The following SKOR2 variants were observed in gnomAD, a reference collection of about 807,000 sequenced individuals.
SKOR2 encodes the protein SKI family transcriptional corepressor 2, also known as LBX1 corepressor 1-like protein.
In SKOR2, 47 loss-of-function variants were observed where a neutral mutation model predicts 69.1. That is an observed-to-expected ratio of 0.68 (90% CI 0.54 to 0.87). The LOEUF (loss-of-function observed/expected upper bound fraction) is 0.87, where lower values mean the gene tolerates loss of function less well. Ranked by LOEUF, SKOR2 falls within the 40% of genes least tolerant of loss-of-function variation. The pLI, the probability that SKOR2 is intolerant of heterozygous loss-of-function variation, is 0.00. For synonymous variants in SKOR2, 717 were observed against 672.6 expected (o/e 1.07, Z -1.02); for missense variants, 1,404 against 1,472.2 (o/e 0.95, Z 0.76).
At chr18:47,216,115 T>G (rs1349635270) in intron 7 of SKOR2, among the ~76,000 whole-genome samples, 1 of 152,232 alleles carries the variant, frequency 6.6e-6, no homozygotes, top group Non-Finnish European at 1.5e-5. Flanking sequence ...CTGTTAAGTT[T>G]TGCTTTTAAA....
In SKOR2 at chr18:47,221,675, A is replaced by ATT. The variant is rs143613414; in HGVS notation, c.2918-1667_2918-1666dup. 1.6e-4 allele frequency among the ~76,000 whole-genome samples: 24 copies of ATT among 151,130 alleles called. No individual in the cohort carries two copies. In the South Asian group the frequency reaches 4.8e-3, roughly 30 times the overall value. ...CCCCTCCTGCCAGAATTATTTACCC[A>ATT]TTTTTTTTTGTACTTCTCCAGCACC... is the stretch of plus-strand genomic sequence containing the variant. On this transcript the variant is annotated intron_variant, in intron 6 of 8. Transcript: ENST00000425639.
chr18:47,247,367 T>C lies in SKOR2; in HGVS notation c.1817A>G (p.His606Arg). 1 of 1,441,664 alleles carries C rather than the reference T, an allele frequency of 6.9e-7. No individual in the cohort carries two copies. The highest frequency in any genetic ancestry group is 1.5e-5 in the African/African-American group (1 of 67,476). 89.3% of individuals were successfully genotyped at this position (1,441,664 alleles called of 1,614,324 possible). A position where few individuals can be genotyped will look rare whatever the true frequency, so the allele number is the denominator to read the frequency against. ...GSRVPAPHHP[H>R]LLEGRKAGGG... The stretch of plus-strand genomic sequence containing the variant: ...GCCCGCTTTGCGCCCCTCCAGAAGG[T>C]GCGGATGGTGGGGCGCCGGAACCCG... Residue 606 changes from histidine to arginine, a missense_variant, in exon 2 of 9, where the codon CAC becomes CGC. By Grantham distance (29) the His-to-Arg change is conservative (BLOSUM62 0). Transcript: ENST00000425639. The surrounding 1 kb of genome is among the most constrained non-coding windows in gnomAD (Gnocchi z 6.6).
intron 7 of SKOR2, among the ~76,000 whole-genome samples, chr18:47,217,864 T>C (rs2064148868): frequency 6.6e-6 from 1 of 151,674 alleles, no homozygotes; most frequent in African/African-American, 2.4e-5. Context: ...GGGTGGGAAA[T>C]TCAAGCTTTT....
chr18:47,207,336 C>T (rs1376798853), intron 8 of SKOR2, among the ~76,000 whole-genome samples: 2 of 152,122 alleles, frequency 1.3e-5, no homozygotes, highest in East Asian at 3.8e-4. Context: ...ATATTTATAA[C>T]TGATAATACA....
At chr18:47,212,752 C>A (rs547995923) in intron 7 of SKOR2, among the ~76,000 whole-genome samples, 1 of 152,216 alleles carries the variant, frequency 6.6e-6, no homozygotes, top group South Asian at 2.1e-4. Flanking sequence ...GTGGGAGGAT[C>A]ACTTGAGCCC....
At chr18:47,224,620 CT>C (rs528374569) in intron 6 of SKOR2, among the ~76,000 whole-genome samples, 44 of 148,434 alleles carry the variant, frequency 3.0e-4, no homozygotes, top group Admixed American at 4.7e-4. Context: ...AACCATTGAA[CT>C]TTTTTTTTTT....
Position 47,235,604 on chromosome 18 carries a change from C to A in SKOR2, c.2753-4604G>T, listed in dbSNP as rs1403476828. 2.0e-5 allele frequency among the ~76,000 whole-genome samples: 3 copies of A among 152,186 alleles called. No individual in the cohort carries two copies. The South Asian group carries it at 6.2e-4, about 32-fold the overall frequency. ...TCCTGGTCTCTCCAAGGACCTCCAA[C>A]AGCAGTGGTTCCACATTCTAGGTGA... On this transcript the variant is annotated intron_variant, in intron 4 of 8. Coordinates refer to ENST00000425639, the MANE Select transcript of SKOR2 (RefSeq NM_001278063.4).
rs1422368277 is a variant in SKOR2, at chr18:47,248,351, C to T, written c.833G>A (p.Gly278Asp). The T allele has an allele frequency of 1.6e-6, 2 of 1,260,840 alleles. No individual in the cohort carries two copies. The highest frequency in any genetic ancestry group is 2.0e-6 in the Non-Finnish European group (2 of 1,011,348). 78.1% of individuals were successfully genotyped at this position (1,260,840 alleles called of 1,614,324 possible). A position where few individuals can be genotyped will look rare whatever the true frequency, so the allele number is the denominator to read the frequency against. ...AAVAGGGGLL[G>D]PHLLGAPPPP... ...CGGGGGCGCACCCAGCAGGTGGGGG[C>T]CCAGCAGACCCCCGCCTCCGGCCAC... The change falls in exon 2 of 9, where the codon GGC becomes GAC. Residue 278 changes from glycine to aspartate, a missense_variant. Physicochemically the swap from Gly to Asp is moderately conservative, Grantham distance 94. This residue lies in a region of SKOR2 where 1,266 missense variants were observed against 1,309.9 expected (regional missense o/e 0.97). Coordinates refer to ENST00000425639, the MANE Select transcript of SKOR2 (RefSeq NM_001278063.4). This position sits in a 1 kb window ranked among gnomAD's most constrained non-coding sequence, Gnocchi z 6.4.
chr18:47,237,417 TTAACTA>T (rs1336954289), intron 4 of SKOR2, among the ~76,000 whole-genome samples: 1 of 152,192 alleles, frequency 6.6e-6, no homozygotes, highest in Non-Finnish European at 1.5e-5. Context: ...TAGAGCTCAT[TTAACTA>T]TAAGAGCCAA....
intron 1 of SKOR2, among the ~76,000 whole-genome samples, chr18:47,249,834 C>T (rs959584264): frequency 4.6e-5 from 7 of 152,278 alleles, no homozygotes; most frequent in Non-Finnish European, 7.4e-5. Flanking sequence ...TATTTTGTTA[C>T]TGTAATTAGA....
intron 6 of SKOR2, among the ~76,000 whole-genome samples, chr18:47,227,231 T>A (rs1180077356): frequency 6.6e-6 from 1 of 151,196 alleles, no homozygotes; most frequent in Non-Finnish European, 1.5e-5. Context: ...CTCCTCCACC[T>A]GCCCCTCCTC....
intron 2 of SKOR2, among the ~76,000 whole-genome samples, chr18:47,246,082 G>T (rs1358096584): frequency 6.6e-6 from 1 of 152,154 alleles, no homozygotes; most frequent in Non-Finnish European, 1.5e-5. Context: ...GGCTAAAACT[G>T]ATTAAAGCAG....
intron 4 of SKOR2, among the ~76,000 whole-genome samples, chr18:47,241,993 C>T (rs1295831563): frequency 6.6e-6 from 1 of 152,162 alleles, no homozygotes; most frequent in Non-Finnish European, 1.5e-5. Context: ...GCTCCAGGCA[C>T]TGTGGAATTT....
Position 47,249,014 on chromosome 18 carries a change from T to C in SKOR2, c.170A>G (p.Asp57Gly). Residue 57 changes from aspartate (D) to glycine (G), a missense_variant, in exon 2 of 9, where the codon GAC (aspartate) becomes GGC (glycine). Around this residue, in one of 3 missense-constraint regions of SKOR2, gnomAD observed 104 missense variants for 95.7 expected, o/e 1.09. Transcript: ENST00000425639. ...YGIPIVSLVIDGQERLCLAQI... is the reference protein window; with the variant it reads ...YGIPIVSLVIGGQERLCLAQI... The stretch of plus-strand genomic sequence containing the variant: ...CGCCAGGCACAGGCGCTCTTGCCCG[T>C]CGATCACCAACGACACGATGGGAAT... 4 of 1,546,414 alleles carry C rather than the reference T, an allele frequency of 2.6e-6. No homozygotes were observed. The highest frequency in any genetic ancestry group is 3.5e-6 in the Non-Finnish European group (4 of 1,152,166).
At chr18:47,208,823 A>C (rs1431192058) in intron 8 of SKOR2, among the ~76,000 whole-genome samples, 1 of 152,194 alleles carries the variant, frequency 6.6e-6, no homozygotes, top group Non-Finnish European at 1.5e-5. Flanking sequence ...ACAAATACGA[A>C]GAGCGGTACA....
At chr18:47,244,871 T>C in intron 4 of SKOR2, 37 bp downstream of exon 4, 1 of 1,512,554 alleles carries the variant, frequency 6.6e-7, no homozygotes, top group South Asian at 1.2e-5. Context: ...CTCCCTGTCA[T>C]CTGACTATTC....
chr18:47,246,886 G>T lies in SKOR2; in HGVS notation c.2298C>A (p.Asp766Glu), dbSNP rs1232244847. 3.4e-6 allele frequency: 5 copies of T among 1,489,904 alleles called. No individual in the cohort carries two copies. Among genetic ancestry groups the T allele is most frequent in the Non-Finnish European group, 4.4e-6 (5 of 1,126,252 alleles). The allele number at this position is 1,489,904 out of a possible 1,614,324, so 92.3% of individuals were successfully genotyped here. Residue 766 changes from aspartate to glutamate, a missense_variant, in exon 2 of 9, where the codon GAC becomes GAA. Around this residue, in one of 3 missense-constraint regions of SKOR2, gnomAD observed 1,266 missense variants for 1,309.9 expected, o/e 0.97. Transcript: ENST00000425639. Reference sequence around the variant, plus strand: ...CCTCCGTCTCCTCGTCCTCTTCCTCGTCGTCGTCAGGGTCTCGACCTTCCT... The same window carrying T: ...CCTCCGTCTCCTCGTCCTCTTCCTCTTCGTCGTCAGGGTCTCGACCTTCCT... ...EEEEGRDPDD[D>E]EEEDEETEVL...
At chr18:47,235,220 G>T (rs2064217115) in intron 4 of SKOR2, among the ~76,000 whole-genome samples, 1 of 152,134 alleles carries the variant, frequency 6.6e-6, no homozygotes, top group Non-Finnish European at 1.5e-5. Context: ...AATTAGCTGG[G>T]AGTGGTGGTG....
At chr18:47,244,203 G>C (rs1306112695) in intron 4 of SKOR2, among the ~76,000 whole-genome samples, 1 of 151,780 alleles carries the variant, frequency 6.6e-6, no homozygotes, top group Admixed American at 6.6e-5. Context: ...TCACTTCCTA[G>C]CTTGCTCTCT....
Sources: allele counts gnomAD v4.1 joint callset (sites outside exome capture counted in the v4.1 genomes callset), GRCh38; gene constraint gnomAD v4.1.1; regional missense constraint gnomAD v4.1.1; non-coding constraint Gnocchi (gnomAD v3.1); transcripts MANE v1.5; gene names NCBI Gene and HGNC (gene_info 2026-07-23, HGNC 2026-07-21).